STT3B: variants seen among roughly 807,000 people sequenced by gnomAD.
STT3B encodes STT3 oligosaccharyltransferase complex catalytic subunit B.
In STT3B, 29 loss-of-function variants were observed where a neutral mutation model predicts 96.8. That is an observed-to-expected ratio of 0.30 (90% CI 0.22 to 0.41). The LOEUF (loss-of-function observed/expected upper bound fraction) is 0.41, where lower values mean the gene tolerates loss of function less well. Ranked by LOEUF, STT3B falls within the 10% of genes least tolerant of loss-of-function variation. The pLI is 1.00. For missense variants in STT3B, 640 were observed against 1,022.3 expected, an observed-to-expected ratio of 0.63 and a Z score of 5.10; for synonymous variants, 367 against 360.0, an observed-to-expected ratio of 1.02 and a Z score of -0.22.
chr3:31,590,775 A>G (rs1224710171), intron 3 of STT3B, among the ~76,000 whole-genome samples: 3 of 152,082 alleles, frequency 2.0e-5, no homozygotes, highest in African/African-American at 7.2e-5. Context: ...ATTCATAAAC[A>G]TATACTGTCT....
chr3:31,550,492 T>C (rs942088487), intron 1 of STT3B, among the ~76,000 whole-genome samples: 1 of 152,212 alleles, frequency 6.6e-6, no homozygotes, highest in Non-Finnish European at 1.5e-5. Context: ...GTTGCAACTG[T>C]ACAGTGTCAC....
intron 5 of STT3B, among the ~76,000 whole-genome samples, chr3:31,605,642 C>T (rs1367858133): frequency 6.6e-6 from 1 of 152,204 alleles, no homozygotes; most frequent in East Asian, 1.9e-4. Flanking sequence ...CCACGTGGAA[C>T]TGTGAATCCA....
At position 31,575,892 on chromosome 3, in the gene STT3B, C is replaced by T. The variant is rs991004145; in HGVS notation, c.315-504C>T. Among the ~76,000 whole-genome samples the T allele has an allele frequency of 3.3e-5, 5 of 152,030 alleles. No homozygotes were observed. In the South Asian group the frequency reaches 6.2e-4, roughly 19 times the overall value. On this transcript the variant is annotated intron_variant, in intron 1 of 15. Coordinates refer to ENST00000295770, the MANE Select transcript of STT3B (RefSeq NM_178862.3). ...CTTTCATTTTGGGCCCTGGTTTCTT[C>T]AATTTCATTTTTTCTCATTTGTCTC...
At position 31,622,211 on chromosome 3, in the gene STT3B, A is replaced by G; in HGVS notation, c.1442A>G (p.Glu481Gly). The part of the protein sequence containing the change: ...LSAIAFSNVF[E>G]HYLGDDMKRE... ...GCAATTGCCTTTTCAAATGTTTTTG[A>G]GCACTATTTGGGGGATGACATGAAA... is the stretch of plus-strand genomic sequence containing the variant. Residue 481 changes from glutamate (E) to glycine (G), a missense_variant, in exon 10 of 16, where the codon GAG becomes GGG. Glu to Gly is a moderately conservative substitution (Grantham distance 98). Transcript: ENST00000295770. 1 of 1,614,080 alleles carries G rather than the reference A, an allele frequency of 6.2e-7. No individual in the cohort carries two copies. Among genetic ancestry groups the G allele is most frequent in the Non-Finnish European group, 8.5e-7 (1 of 1,179,962 alleles).
At chr3:31,593,055 G>A (rs913167161) in intron 3 of STT3B, among the ~76,000 whole-genome samples, 6 of 152,128 alleles carry the variant, frequency 3.9e-5, no homozygotes, top group Non-Finnish European at 8.8e-5. Context: ...GATTGATTCT[G>A]CCCGTGCAAT....
intron 3 of STT3B, among the ~76,000 whole-genome samples, chr3:31,591,960 A>G (rs960835039): frequency 1.3e-5 from 2 of 152,056 alleles, no homozygotes; most frequent in African/African-American, 4.8e-5. Flanking sequence ...TTTTTAAACT[A>G]TGGTAAAATT....
chr3:31,616,036 CAA>C (rs1461696364), intron 6 of STT3B, among the ~76,000 whole-genome samples: 1 of 151,696 alleles, frequency 6.6e-6, no homozygotes, highest in Non-Finnish European at 1.5e-5. Flanking sequence ...GACAGATTAA[CAA>C]GAGAAAAGCA....
Position 31,543,065 on chromosome 3 carries a change from C to T in STT3B, c.314+9753C>T, listed in dbSNP as rs1308247238. On this transcript the variant is annotated intron_variant, in intron 1 of 15. Transcript: ENST00000295770. Reference sequence around the variant, plus strand: ...TGGGCAACAGAGTGAGACTCCATCTCACAAAAAAAAAAAAAAAAAGAGAAA... The same window carrying T: ...TGGGCAACAGAGTGAGACTCCATCTTACAAAAAAAAAAAAAAAAAGAGAAA... 1.9e-4 allele frequency among the ~76,000 whole-genome samples: 3 copies of T among 15,502 alleles called. No individual in the cohort carries two copies. The South Asian group carries it at 6.8e-3, about 35-fold the overall frequency. The allele number at this position is 15,502 out of a possible 152,430, so 10.2% of individuals were successfully genotyped here.
Position 31,635,916 on chromosome 3 carries a change from T to C in STT3B, c.2401-68T>C, listed in dbSNP as rs1474751782. Reference sequence around the variant, plus strand: ...AGTCATCATAGTTCAGTAAACCATGTGTGTGTTTATAGATTTTTTAATCAG... The same window carrying C: ...AGTCATCATAGTTCAGTAAACCATGCGTGTGTTTATAGATTTTTTAATCAG... On this transcript the variant is annotated intron_variant, in intron 15 of 15. Coordinates refer to ENST00000295770, the MANE Select transcript of STT3B (RefSeq NM_178862.3). The C allele has an allele frequency of 4.4e-6, 5 of 1,129,880 alleles. No individual in the cohort carries two copies. The East Asian group carries it at 1.2e-4, about 27-fold the overall frequency. The allele number at this position is 1,129,880 out of a possible 1,614,324, so 70.0% of individuals were successfully genotyped here.
At position 31,636,224 on chromosome 3, in the gene STT3B, T is replaced by C; in HGVS notation, c.*160T>C. The C allele has an allele frequency of 2.0e-6, 1 of 493,608 alleles. No homozygotes were observed. The highest frequency in any genetic ancestry group is 2.0e-5 in the African/African-American group (1 of 50,216). The allele number at this position is 493,608 out of a possible 1,614,324, so 30.6% of individuals were successfully genotyped here. A position where few individuals can be genotyped will look rare whatever the true frequency, so the allele number is the denominator to read the frequency against. The stretch of plus-strand genomic sequence containing the variant: ...GCAATGCCTGATTAAAAAAATAAAA[T>C]TGGCTTGTTGAGAACAGCTGTTTTC... On this transcript the variant is annotated 3_prime_UTR_variant, in exon 16 of 16. Coordinates refer to ENST00000295770, the MANE Select transcript of STT3B (RefSeq NM_178862.3).
At chr3:31,595,392 T>G (rs1195847344) in intron 3 of STT3B, among the ~76,000 whole-genome samples, 4 of 152,222 alleles carry the variant, frequency 2.6e-5, no homozygotes, top group Admixed American at 6.5e-5. Context: ...TCAGCTGTTT[T>G]CTGTTTTGGC....
chr3:31,591,420 G>T (rs1698660328), intron 3 of STT3B, among the ~76,000 whole-genome samples: 2 of 151,948 alleles, frequency 1.3e-5, no homozygotes, highest in Admixed American at 1.3e-4. Flanking sequence ...CTTTTTATTG[G>T]AGTTTTAAGT....
intron 4 of STT3B, among the ~76,000 whole-genome samples, chr3:31,599,253 T>G (rs532473421): frequency 6.6e-6 from 1 of 152,354 alleles, no homozygotes; most frequent in East Asian, 1.9e-4. Context: ...CTTTTTTTTC[T>G]TTTTAAACAA....
chr3:31,545,512 C>G (rs183793100), intron 1 of STT3B, among the ~76,000 whole-genome samples: 10 of 152,222 alleles, frequency 6.6e-5, no homozygotes, highest in African/African-American at 2.4e-4. Flanking sequence ...AATGGGCTGT[C>G]ATATTCTATA....
chr3:31,554,776 TA>T (rs1304121045), intron 1 of STT3B, among the ~76,000 whole-genome samples: 1 of 152,296 alleles, frequency 6.6e-6, no homozygotes, highest in South Asian at 2.1e-4. Flanking sequence ...CCAGAAAGAT[TA>T]AAAACCCTGC....
At chr3:31,573,096 AACG>A (rs1698195761) in intron 1 of STT3B, among the ~76,000 whole-genome samples, 1 of 152,120 alleles carries the variant, frequency 6.6e-6, no homozygotes, top group Admixed American at 6.5e-5. Flanking sequence ...TAGCAGTCTT[AACG>A]ATCCTGTAAC....
chr3:31,547,418 G>C (rs1350743289), intron 1 of STT3B, among the ~76,000 whole-genome samples: 1 of 152,126 alleles, frequency 6.6e-6, no homozygotes. Flanking sequence ...CACACTTTGG[G>C]AGGATCACTT....
chr3:31,573,580 G>A (rs545883523), intron 1 of STT3B, among the ~76,000 whole-genome samples: 1 of 152,234 alleles, frequency 6.6e-6, no homozygotes, highest in Non-Finnish European at 1.5e-5. Context: ...CTTAGGTGGC[G>A]GTAAGAGAAT....
chr3:31,637,156 TGAACAA>T lies in STT3B; in HGVS notation c.*1094_*1099del, dbSNP rs893211785. ...AATGCACTAAAATGTAAATGGAGAT[TGAACAA>T]GTTCACTTTCCAGCTTATAGGCAAC... On this transcript the variant is annotated 3_prime_UTR_variant, in exon 16 of 16. Transcript: ENST00000295770. 4 of 152,220 alleles carry T rather than the reference TGAACAA, an allele frequency of 2.6e-5. No homozygotes were observed. Among genetic ancestry groups the T allele is most frequent in the African/African-American group, 9.6e-5 (4 of 41,470 alleles). The allele number at this position is 152,220 out of a possible 1,614,324, so 9.4% of individuals were successfully genotyped here. A position where few individuals can be genotyped will look rare whatever the true frequency, so the allele number is the denominator to read the frequency against.
Sources: gnomAD v4.1 joint callset for allele counts (sites outside exome capture counted in the v4.1 genomes callset) on GRCh38, gnomAD v4.1.1 for gene constraint, MANE v1.5 for transcripts, NCBI Gene and HGNC (gene_info 2026-07-23, HGNC 2026-07-21) for gene names.